The following JPH1 variants were observed in gnomAD, a reference collection of about 807,000 sequenced individuals.
JPH1 encodes the protein junctophilin 1.
Under a neutral mutation model 53.6 loss-of-function variants are expected in JPH1, and 12 were observed. The ratio of observed to expected loss-of-function variants is 0.22; its 90% CI spans 0.14 to 0.36. The LOEUF is 0.36. Ranked by LOEUF, JPH1 falls within the 10% of genes least tolerant of loss-of-function variation. The pLI, the probability that JPH1 is intolerant of heterozygous loss-of-function variation, is 1.00. For synonymous variants in JPH1, 375 were observed against 363.8 expected (o/e 1.03, Z -0.35); for missense variants, 808 against 905.5 (o/e 0.89, Z 1.38).
At chr8:74,318,777 A>G (rs933539233) in intron 1 of JPH1, among the ~76,000 whole-genome samples, 10 of 152,218 alleles carry the variant, frequency 6.6e-5, no homozygotes, top group African/African-American at 2.4e-4. Context: ...TAGTGAGAAC[A>G]GCAGAAAACA....
At chr8:74,275,267 C>A (rs1266438616) in intron 2 of JPH1, among the ~76,000 whole-genome samples, 1 of 152,142 alleles carries the variant, frequency 6.6e-6, no homozygotes, top group African/African-American at 2.4e-5. Flanking sequence ...GACTTTCAAA[C>A]TTATCTACAT....
chr8:74,313,795 T>C (rs199652180), intron 2 of JPH1, among the ~76,000 whole-genome samples: 114 of 152,362 alleles, frequency 7.5e-4, no homozygotes, highest in East Asian at 2.5e-3. Flanking sequence ...TAATATTCTA[T>C]GCTACATTTA....
At chr8:74,283,174 T>A (rs1481956406) in intron 2 of JPH1, among the ~76,000 whole-genome samples, 1 of 152,068 alleles carries the variant, frequency 6.6e-6, no homozygotes, top group Non-Finnish European at 1.5e-5. Flanking sequence ...CATGGATAAA[T>A]CTTAAAACTG....
chr8:74,278,996 C>T (rs1210645179), intron 2 of JPH1, among the ~76,000 whole-genome samples: 3 of 152,086 alleles, frequency 2.0e-5, no homozygotes, highest in African/African-American at 7.2e-5. Context: ...CGCGCACACA[C>T]ACACACACAC....
At chr8:74,259,607 G>T in intron 2 of JPH1, 104 bp from the exon 3 acceptor site, 1 of 896,934 alleles carries the variant, frequency 1.1e-6, no homozygotes, top group Non-Finnish European at 1.6e-6. Flanking sequence ...TTATGATTAT[G>T]GCCCGACACC....
intron 3 of JPH1, among the ~76,000 whole-genome samples, chr8:74,252,477 C>T (rs1184852725): frequency 6.6e-6 from 1 of 152,060 alleles, no homozygotes; most frequent in East Asian, 1.9e-4. Context: ...TAGGAAGAAA[C>T]TGCATCAACT....
rs757396713 is a variant in JPH1, at chr8:74,259,336, A to T, written c.1258+49T>A. On this transcript the variant is annotated intron_variant, in intron 3 of 5. Transcript: ENST00000342232. ...TTGAAAGGAAAAGGAAATAAAAGCA[A>T]GCCAAAGCCAGTGCTCCTGCCTCAC... 3 of 1,366,748 alleles carry T rather than the reference A, an allele frequency of 2.2e-6. No individual in the cohort carries two copies. In the South Asian group the frequency reaches 3.6e-5, roughly 16 times the overall value. 84.7% of individuals were successfully genotyped at this position (1,366,748 alleles called of 1,614,324 possible).
At chr8:74,282,897 T>G (rs1447272290) in intron 2 of JPH1, among the ~76,000 whole-genome samples, 5 of 152,230 alleles carry the variant, frequency 3.3e-5, no homozygotes. Flanking sequence ...ATTGTATACA[T>G]GTATCAAAAT....
intron 2 of JPH1, among the ~76,000 whole-genome samples, chr8:74,297,100 G>A (rs1288046976): frequency 6.6e-6 from 1 of 152,148 alleles, no homozygotes; most frequent in Non-Finnish European, 1.5e-5. Context: ...AACTGCTGGT[G>A]GACTACAGCA....
chr8:74,287,335 C>T (rs765187483), intron 2 of JPH1, among the ~76,000 whole-genome samples: 22 of 151,268 alleles, frequency 1.5e-4, no homozygotes, highest in South Asian at 6.3e-4. Flanking sequence ...GGCGGAGACA[C>T]GAGAATCGCG....
chr8:74,272,508 T>C (rs892422325), intron 2 of JPH1, among the ~76,000 whole-genome samples: 1 of 151,792 alleles, frequency 6.6e-6, no homozygotes, highest in Non-Finnish European at 1.5e-5. Flanking sequence ...CGAGACGTCA[T>C]AGTAACAACG....
intron 2 of JPH1, among the ~76,000 whole-genome samples, chr8:74,295,332 T>C (rs1807473910): frequency 2.6e-5 from 4 of 152,178 alleles, no homozygotes. Context: ...TGTGTACATA[T>C]AGTTCTTTGC....
chr8:74,292,832 G>A (rs1484009944), intron 2 of JPH1, among the ~76,000 whole-genome samples: 3 of 152,154 alleles, frequency 2.0e-5, no homozygotes, highest in African/African-American at 7.2e-5. Flanking sequence ...ATCCAATCAA[G>A]TCCTGTTTAG....
chr8:74,307,500 T>C (rs1807873002), intron 2 of JPH1, among the ~76,000 whole-genome samples: 1 of 152,218 alleles, frequency 6.6e-6, no homozygotes, highest in Admixed American at 6.5e-5. Context: ...GGTGCAGATA[T>C]AGAAGAATAC....
chr8:74,239,510 AG>A lies in JPH1; in HGVS notation c.1906-2208del, dbSNP rs1280369549. Among the ~76,000 whole-genome samples, 4 of 152,350 alleles carry A rather than the reference AG, an allele frequency of 2.6e-5. No homozygotes were observed. In the East Asian group the frequency reaches 7.7e-4, roughly 29 times the overall value. Reference sequence around the variant, plus strand: ...AGAATAGTTGTAATTCTAAATTGATAGGAGAGTCCTAACCTGTGCAACTCCT... The same window carrying A: ...AGAATAGTTGTAATTCTAAATTGATAGAGAGTCCTAACCTGTGCAACTCCT... On this transcript the variant is annotated intron_variant, in intron 4 of 5. Coordinates refer to ENST00000342232, the MANE Select transcript of JPH1 (RefSeq NM_020647.4).
chr8:74,308,952 G>T (rs1467744462), intron 2 of JPH1, among the ~76,000 whole-genome samples: 1 of 152,202 alleles, frequency 6.6e-6, no homozygotes, highest in East Asian at 1.9e-4. Flanking sequence ...AAAGTATGAG[G>T]AATGGTTTTT....
intron 2 of JPH1, among the ~76,000 whole-genome samples, chr8:74,305,556 G>C (rs1807808185): frequency 6.6e-6 from 1 of 152,220 alleles, no homozygotes; most frequent in Admixed American, 6.5e-5. Context: ...GCTGGAATCT[G>C]TTGAAGTTTG....
At chr8:74,278,354 G>C (rs1196108140) in intron 2 of JPH1, among the ~76,000 whole-genome samples, 1 of 152,134 alleles carries the variant, frequency 6.6e-6, no homozygotes. Flanking sequence ...CTAATACATG[G>C]CACTGTCTTT....
intron 2 of JPH1, among the ~76,000 whole-genome samples, chr8:74,294,119 T>C (rs1160822352): frequency 2.0e-5 from 3 of 152,298 alleles, no homozygotes; most frequent in Middle Eastern, 3.4e-3. Context: ...CTCCTCTGAA[T>C]GTGGGAGGCA....
Sources: gnomAD v4.1 joint callset for allele counts (sites outside exome capture counted in the v4.1 genomes callset) on GRCh38, gnomAD v4.1.1 for gene constraint, MANE v1.5 for transcripts, NCBI Gene and HGNC (gene_info 2026-07-23, HGNC 2026-07-21) for gene names.